Variants in HEMK2 observed in about 807,000 individuals in gnomAD.
HEMK2 encodes HemK methyltransferase 2, ETF1 glutamine and histone H4 lysine, also known as methyltransferase HEMK2.
chr21:28,686,504 A>AT, the HEMK2 span, among the ~76,000 whole-genome samples: 1 of 152,168 alleles, frequency 6.6e-6, no homozygotes. Context: ...AAGTGCTGCA[A>AT]TTACAGGAGT....
At chr21:28,743,962 G>A in the HEMK2 span, among the ~76,000 whole-genome samples, 1 of 152,154 alleles carries the variant, frequency 6.6e-6, no homozygotes, top group African/African-American at 2.4e-5. Context: ...GGAACTGGAG[G>A]CTGTTATCCT....
At chr21:28,845,853 TTG>T in the HEMK2 span, among the ~76,000 whole-genome samples, 1 of 152,064 alleles carries the variant, frequency 6.6e-6, no homozygotes, top group African/African-American at 2.4e-5. Flanking sequence ...CATGGGTAAA[TTG>T]TGTGTCATGG....
At chr21:28,831,720 AAG>A in the HEMK2 span, among the ~76,000 whole-genome samples, 15 of 137,640 alleles carry the variant, frequency 1.1e-4, no homozygotes, top group East Asian at 8.8e-4. Context: ...GGAAGGAAGG[AAG>A]GAAGGAAGGA....
chr21:28,652,898 G>A, the HEMK2 span, among the ~76,000 whole-genome samples: 1 of 152,074 alleles, frequency 6.6e-6, no homozygotes, highest in African/African-American at 2.4e-5. Flanking sequence ...CGAGTGCCAT[G>A]ACAGTTTACA....
At chr21:28,877,139 GAAGA>G in the HEMK2 span, among the ~76,000 whole-genome samples, 1 of 75,164 alleles carries the variant, frequency 1.3e-5, no homozygotes, top group Non-Finnish European at 3.3e-5. Context: ...AAAGAGAAGA[GAAGA>G]GAGAGAGAGA....
chr21:28,590,716 T>C, the HEMK2 span, among the ~76,000 whole-genome samples: 9 of 152,196 alleles, frequency 5.9e-5, no homozygotes, highest in South Asian at 1.4e-3. Flanking sequence ...TCATCACTGA[T>C]GAAAATCTGG....
At chr21:28,653,787 AC>A in the HEMK2 span, among the ~76,000 whole-genome samples, 481 of 152,286 alleles carry the variant, frequency 3.2e-3, 1 homozygote, top group African/African-American at 0.011. Context: ...CTCAATTGTC[AC>A]CTGGACTAGG....
chr21:28,845,874 T>C, the HEMK2 span, among the ~76,000 whole-genome samples: 2 of 152,086 alleles, frequency 1.3e-5, no homozygotes, highest in African/African-American at 4.8e-5. Flanking sequence ...GGGGGTTTCA[T>C]GTATAGATAA....
At chr21:28,625,838 G>T in the HEMK2 span, among the ~76,000 whole-genome samples, 1 of 152,130 alleles carries the variant, frequency 6.6e-6, no homozygotes, top group Admixed American at 6.6e-5. Context: ...ATCTACACGA[G>T]AAAATGAAGA....
chr21:28,856,415 CAAA>C, the HEMK2 span, among the ~76,000 whole-genome samples: 1 of 118,846 alleles, frequency 8.4e-6, no homozygotes, highest in Admixed American at 8.6e-5. Context: ...GACTCCATCT[CAAA>C]AAAAAAAAAA....
chr21:28,722,434 G>A, the HEMK2 span, among the ~76,000 whole-genome samples: 48 of 152,292 alleles, frequency 3.2e-4, no homozygotes, highest in Non-Finnish European at 4.1e-4. Flanking sequence ...AAACAAAACT[G>A]CTTAAGCTGA....
At chr21:28,675,134 T>C in the HEMK2 span, among the ~76,000 whole-genome samples, 1 of 152,226 alleles carries the variant, frequency 6.6e-6, no homozygotes, top group Non-Finnish European at 1.5e-5. Context: ...ATTTACCAAG[T>C]GCTTCCAAAC....
At chr21:28,817,684 G>C in the HEMK2 span, among the ~76,000 whole-genome samples, 1 of 152,184 alleles carries the variant, frequency 6.6e-6, no homozygotes, top group Non-Finnish European at 1.5e-5. Flanking sequence ...GCTAATAAAT[G>C]TCTGATGGAG....
chr21:28,765,435 T>C, the HEMK2 span, among the ~76,000 whole-genome samples: 17 of 152,262 alleles, frequency 1.1e-4, no homozygotes, highest in East Asian at 3.3e-3. Context: ...AGCTACTAAG[T>C]GTGTGCTAAT....
the HEMK2 span, among the ~76,000 whole-genome samples, chr21:28,675,766 C>T: frequency 6.6e-6 from 1 of 152,160 alleles, no homozygotes. Context: ...ATAATTCCTG[C>T]AATATTGGAG....
chr21:28,685,807 T>TA, the HEMK2 span, among the ~76,000 whole-genome samples: 1 of 152,060 alleles, frequency 6.6e-6, no homozygotes, highest in Non-Finnish European at 1.5e-5. Context: ...GTCAGGGAAG[T>TA]AAAAAATTAC....
the HEMK2 span, among the ~76,000 whole-genome samples, chr21:28,739,308 C>G: frequency 3.5e-4 from 53 of 152,220 alleles, 1 homozygote; most frequent in South Asian, 0.011. Flanking sequence ...ATTGGCCATT[C>G]AGTTATTATA....
chr21:28,576,727 T>G, the HEMK2 span, among the ~76,000 whole-genome samples: 2 of 152,326 alleles, frequency 1.3e-5, no homozygotes, highest in South Asian at 4.1e-4. Context: ...TTTTGTTTTT[T>G]GAGATGGAGT....
At chr21:28,611,274 A>C in the HEMK2 span, among the ~76,000 whole-genome samples, 1 of 152,220 alleles carries the variant, frequency 6.6e-6, no homozygotes, top group Non-Finnish European at 1.5e-5. Context: ...AATACGTGGA[A>C]ATTAAATAAC....
Sources: gnomAD v4.1 joint callset for allele counts (sites outside exome capture counted in the v4.1 genomes callset) on GRCh38, gnomAD v4.1.1 for gene constraint, MANE v1.5 for transcripts, NCBI Gene and HGNC (gene_info 2026-07-23, HGNC 2026-07-21) for gene names.